Variants in PRKN observed in about 807,000 individuals in gnomAD.
PRKN encodes parkin RBR E3 ubiquitin protein ligase.
In PRKN, 56 loss-of-function variants were observed where a neutral mutation model predicts 59.5. The observed-to-expected ratio is 0.94, with a 90% CI of 0.76 to 1.18. The LOEUF (loss-of-function observed/expected upper bound fraction) is 1.18, where lower values mean the gene tolerates loss of function less well. Ranked by LOEUF, PRKN falls within the 50% of genes most tolerant of loss-of-function variation. The pLI, the probability that PRKN is intolerant of heterozygous loss-of-function variation, is 0.00. For synonymous variants in PRKN, 250 were observed against 222.1 expected (o/e 1.13, Z -1.12); for missense variants, 657 against 596.4 (o/e 1.10, Z -1.06).
Position 161,428,020 on chromosome 6 carries a change from G to A in PRKN, c.1084-41143C>T, listed in dbSNP as rs1165107003. On this transcript the variant is annotated intron_variant, in intron 9 of 11. Transcript: ENST00000366898. This position sits in a 1 kb window ranked among gnomAD's most constrained non-coding sequence, Gnocchi z 4.0. ...CCCGACAGAGGGTGACACTTGCATG[G>A]TTGCAGAAGGAAGCTCGCTGCAGTC... Among the ~76,000 whole-genome samples the A allele has an allele frequency of 6.6e-6, 1 of 152,156 alleles. No individual in the cohort carries two copies. The highest frequency in any genetic ancestry group is 6.5e-5 in the Admixed American group (1 of 15,274).
At chr6:161,754,500 C>T (rs1003207344) in intron 7 of PRKN, among the ~76,000 whole-genome samples, 3 of 151,982 alleles carry the variant, frequency 2.0e-5, no homozygotes, top group Non-Finnish European at 2.9e-5. Flanking sequence ...TGGGAGGCTG[C>T]GGTGCGTGAT....
intron 1 of PRKN, among the ~76,000 whole-genome samples, chr6:162,713,598 G>A (rs1332899827): frequency 6.6e-6 from 1 of 151,526 alleles, no homozygotes; most frequent in Non-Finnish European, 1.5e-5. Context: ...AAATATCATA[G>A]TGTTATATCC....
At chr6:161,997,255 T>C (rs527494384) in intron 5 of PRKN, among the ~76,000 whole-genome samples, 1 of 152,194 alleles carries the variant, frequency 6.6e-6, no homozygotes, top group South Asian at 2.1e-4. Flanking sequence ...TACCCTGCAG[T>C]GGAAGCCTAG....
chr6:161,733,798 GTATATATATATATATA>G, intron 7 of PRKN, among the ~76,000 whole-genome samples: 1 of 122,380 alleles, frequency 8.2e-6, no homozygotes, highest in East Asian at 2.3e-4. Context: ...ATATATATAT[GTATATATATATATATA>G]TATATATGTA....
chr6:162,418,674 T>G (rs1788784593), intron 2 of PRKN, among the ~76,000 whole-genome samples: 4 of 102,290 alleles, frequency 3.9e-5, no homozygotes, highest in African/African-American at 8.6e-5. Context: ...AGGGGGGGGA[T>G]GGCTGGAACC....
At chr6:162,470,161 C>T (rs1791659256) in intron 1 of PRKN, among the ~76,000 whole-genome samples, 1 of 152,156 alleles carries the variant, frequency 6.6e-6, no homozygotes, top group Non-Finnish European at 1.5e-5. Flanking sequence ...TGGACAAAGA[C>T]ATCAGACTCA....
intron 3 of PRKN, among the ~76,000 whole-genome samples, chr6:162,244,173 A>G (rs2128092870): frequency 6.6e-6 from 1 of 152,238 alleles, no homozygotes; most frequent in East Asian, 1.9e-4. Flanking sequence ...ACGAATATTA[A>G]CATTCTACAA....
Position 161,353,956 on chromosome 6 carries a change from A to G in PRKN, c.1286-3745T>C, listed in dbSNP as rs1784657498. The stretch of plus-strand genomic sequence containing the variant: ...TCCGTCACAGAAGTCTTCTGTGCTG[A>G]CTGTTGTTATTGAATGAGAGAATAG... On this transcript the variant is annotated intron_variant, in intron 11 of 11. Transcript: ENST00000366898. This position sits in a 1 kb window ranked among gnomAD's most constrained non-coding sequence, Gnocchi z 4.8. 6.6e-6 allele frequency among the ~76,000 whole-genome samples: 1 copy of G among 152,146 alleles called. No individual in the cohort carries two copies.
chr6:161,801,635 C>T (rs1583181943), intron 6 of PRKN, among the ~76,000 whole-genome samples: 1 of 152,218 alleles, frequency 6.6e-6, no homozygotes. Context: ...CCTGTGGCTG[C>T]TTTTCAGTTA....
At chr6:161,619,912 T>C (rs1300578743) in intron 7 of PRKN, among the ~76,000 whole-genome samples, 1 of 151,802 alleles carries the variant, frequency 6.6e-6, no homozygotes, top group Non-Finnish European at 1.5e-5. Flanking sequence ...TTATTAAAAT[T>C]AACTTCACCT....
chr6:162,210,625 A>G (rs954002287), intron 3 of PRKN, among the ~76,000 whole-genome samples: 2 of 152,200 alleles, frequency 1.3e-5, no homozygotes, highest in Non-Finnish European at 1.5e-5. Context: ...TAAATATTTA[A>G]TAATATTATG....
chr6:162,040,504 C>T (rs1257245941), intron 5 of PRKN, among the ~76,000 whole-genome samples: 1 of 149,922 alleles, frequency 6.7e-6, no homozygotes, highest in African/African-American at 2.5e-5. Flanking sequence ...CTCTCAGGTT[C>T]AAGCGATTCT....
At chr6:161,693,693 C>A (rs904858336) in intron 7 of PRKN, among the ~76,000 whole-genome samples, 1 of 152,122 alleles carries the variant, frequency 6.6e-6, no homozygotes, top group Admixed American at 6.6e-5. Context: ...GTAATCATCA[C>A]GAAAACATTT....
intron 3 of PRKN, among the ~76,000 whole-genome samples, chr6:162,255,501 A>C (rs1011307475): frequency 3.3e-5 from 5 of 152,156 alleles, no homozygotes; most frequent in African/African-American, 1.2e-4. Context: ...GGATCTTATT[A>C]AAATGAAGGT....
At chr6:162,015,135 G>A (rs959711537) in intron 5 of PRKN, among the ~76,000 whole-genome samples, 6 of 152,094 alleles carry the variant, frequency 3.9e-5, no homozygotes, top group African/African-American at 1.4e-4. Flanking sequence ...CAAATTTATT[G>A]TCAAGTGTTT....
Position 162,687,017 on chromosome 6 carries a change from A to T in PRKN, c.7+40645T>A, listed in dbSNP as rs930962561. On this transcript the variant is annotated intron_variant, in intron 1 of 11. Transcript: ENST00000366898. ...CTTAGGCTTTGCTTTTTTATTTTTTATTTTTTTGGTTCCATATGAATTTTA... is the reference window on the plus strand; with the variant it reads ...CTTAGGCTTTGCTTTTTTATTTTTTTTTTTTTTGGTTCCATATGAATTTTA... 7.9e-5 allele frequency among the ~76,000 whole-genome samples: 12 copies of T among 151,096 alleles called. 1 individual carries two copies. The highest frequency in any genetic ancestry group is 1.8e-4 in the Non-Finnish European group (12 of 67,734).
intron 2 of PRKN, among the ~76,000 whole-genome samples, chr6:162,331,501 T>C (rs1218450392): frequency 6.6e-6 from 1 of 152,226 alleles, no homozygotes; most frequent in African/African-American, 2.4e-5. Context: ...TGAAAACATT[T>C]TTACAGCTTC....
chr6:162,406,787 T>C (rs1788096961), intron 2 of PRKN, among the ~76,000 whole-genome samples: 4 of 152,122 alleles, frequency 2.6e-5, no homozygotes, highest in Admixed American at 2.6e-4. Flanking sequence ...TCCACACGGG[T>C]GCATGGCTGC....
At chr6:161,867,779 G>C (rs1237416789) in intron 6 of PRKN, among the ~76,000 whole-genome samples, 1 of 23,266 alleles carries the variant, frequency 4.3e-5, no homozygotes, top group Non-Finnish European at 1.0e-4. Flanking sequence ...ATTTATTTTT[G>C]AGACAGAGTC....
Sources: gnomAD v4.1 joint callset for allele counts (sites outside exome capture counted in the v4.1 genomes callset) on GRCh38, gnomAD v4.1.1 for gene constraint, Gnocchi (gnomAD v3.1) non-coding constraint, MANE v1.5 for transcripts, NCBI Gene and HGNC (gene_info 2026-07-23, HGNC 2026-07-21) for gene names.